SPON1: variants seen among roughly 807,000 people sequenced by gnomAD.
SPON1 encodes spondin-1.
In SPON1, 52 loss-of-function variants were observed where a neutral mutation model predicts 111.7. That is an observed-to-expected ratio of 0.47 (90% CI 0.37 to 0.59). The LOEUF is 0.59. Ranked by LOEUF, SPON1 falls within the 20% of genes least tolerant of loss-of-function variation. The pLI is 0.00. For missense variants in SPON1, 957 were observed against 1,068.5 expected (o/e 0.90, Z 1.46); for synonymous variants, 410 against 395.8 (o/e 1.04, Z -0.43).
At chr11:14,045,626 ATATAT>A (rs1848662968) in intron 3 of SPON1, among the ~76,000 whole-genome samples, 1 of 121,402 alleles carries the variant, frequency 8.2e-6, no homozygotes, top group African/African-American at 2.6e-5. Context: ...GTTTTAATAT[ATATAT>A]TATATTTAAA....
intron 5 of SPON1, among the ~76,000 whole-genome samples, chr11:14,115,923 G>A (rs1212626368): frequency 6.6e-6 from 1 of 152,094 alleles, no homozygotes; most frequent in African/African-American, 2.4e-5. Context: ...ATATGGTTTT[G>A]TTTTGTTTTG....
At chr11:14,199,441 C>T (rs1848437246) in intron 6 of SPON1, among the ~76,000 whole-genome samples, 1 of 151,682 alleles carries the variant, frequency 6.6e-6, no homozygotes, top group Non-Finnish European at 1.5e-5. Flanking sequence ...CCAAAATATC[C>T]ATCTCTCCCT....
At chr11:14,047,836 C>T (rs996532283) in intron 3 of SPON1, among the ~76,000 whole-genome samples, 3 of 152,110 alleles carry the variant, frequency 2.0e-5, no homozygotes, top group African/African-American at 7.2e-5. Context: ...TCATAGAGTC[C>T]CTCCAATGTC....
chr11:14,130,069 A>G (rs113351416), intron 5 of SPON1, among the ~76,000 whole-genome samples: 3,302 of 152,264 alleles, frequency 0.022, 122 homozygotes, highest in African/African-American at 0.075. Context: ...ATAGTCAATC[A>G]TCAAATAGTC....
At chr11:13,973,430 T>TC (rs1554908808) in intron 1 of SPON1, among the ~76,000 whole-genome samples, 1 of 152,158 alleles carries the variant, frequency 6.6e-6, no homozygotes, top group Non-Finnish European at 1.5e-5. Context: ...CATCTCTACC[T>TC]CCCCAGAGGC....
intron 1 of SPON1, 27 bp from the exon 2 acceptor site, chr11:13,982,819 TA>T (rs1365765443): frequency 8.9e-6 from 13 of 1,468,558 alleles, no homozygotes; most frequent in Non-Finnish European, 1.2e-5. Flanking sequence ...TTCTTATACT[TA>T]AAACCTGCTT....
chr11:14,003,641 C>T (rs1461518273), intron 2 of SPON1, among the ~76,000 whole-genome samples: 1 of 151,986 alleles, frequency 6.6e-6, no homozygotes, highest in East Asian at 1.9e-4. Flanking sequence ...CTGAAGGGAC[C>T]TACATAAGCA....
intron 7 of SPON1, among the ~76,000 whole-genome samples, chr11:14,251,876 T>G (rs1231211230): frequency 6.6e-6 from 1 of 152,218 alleles, no homozygotes; most frequent in African/African-American, 2.4e-5. Flanking sequence ...CTGACCTACA[T>G]GCCAGAAAAT....
At chr11:14,000,021 T>C (rs1008438509) in intron 2 of SPON1, among the ~76,000 whole-genome samples, 1 of 152,158 alleles carries the variant, frequency 6.6e-6, no homozygotes, top group Non-Finnish European at 1.5e-5. Flanking sequence ...GGAATAAAGT[T>C]CAATACCTTA....
At chr11:14,039,465 G>A (rs1236968771) in intron 2 of SPON1, among the ~76,000 whole-genome samples, 1 of 151,944 alleles carries the variant, frequency 6.6e-6, no homozygotes, top group African/African-American at 2.4e-5. Context: ...GGGAATATGT[G>A]GGATAACCCT....
At chr11:14,042,762 G>A (rs919964368) in intron 3 of SPON1, among the ~76,000 whole-genome samples, 13 of 152,252 alleles carry the variant, frequency 8.5e-5, no homozygotes, top group African/African-American at 2.4e-4. Context: ...AGGAGATCCC[G>A]ATAAGAAAGC....
intron 1 of SPON1, among the ~76,000 whole-genome samples, chr11:13,972,709 T>C (rs1266063135): frequency 6.6e-6 from 1 of 152,214 alleles, no homozygotes; most frequent in Non-Finnish European, 1.5e-5. Flanking sequence ...CACCTCAGTT[T>C]AGTTCTGAAT....
At chr11:14,108,240 T>C (rs1449675197) in intron 5 of SPON1, among the ~76,000 whole-genome samples, 2 of 152,192 alleles carry the variant, frequency 1.3e-5, no homozygotes, top group Admixed American at 6.5e-5. Context: ...AATGAGACGA[T>C]GTATAAATGG....
intron 6 of SPON1, among the ~76,000 whole-genome samples, chr11:14,242,895 C>T (rs1485775473): frequency 2.6e-5 from 4 of 152,230 alleles, no homozygotes; most frequent in African/African-American, 9.6e-5. Flanking sequence ...GTTGAGGGGA[C>T]AGTCCTCAGG....
At position 14,135,328 on chromosome 11, in the gene SPON1, C is replaced by T. The variant is rs1396281350; in HGVS notation, c.677-92C>T. The T allele has an allele frequency of 6.4e-6, 9 of 1,403,086 alleles. No homozygotes were observed. The highest frequency in any genetic ancestry group is 4.6e-5 in the East Asian group (2 of 43,426). 86.9% of individuals were successfully genotyped at this position (1,403,086 alleles called of 1,614,324 possible). A position where few individuals can be genotyped will look rare whatever the true frequency, so the allele number is the denominator to read the frequency against. ...GGTGCTTAGTCAGTGCTCTTTGAAT[C>T]GATGTCCAATTACGCATCCTCCCCA... On this transcript the variant is annotated intron_variant, in intron 5 of 15. Transcript: ENST00000576479. This position sits in a 1 kb window ranked among gnomAD's most constrained non-coding sequence, Gnocchi z 4.4.
chr11:14,170,167 A>T (rs574694999), intron 6 of SPON1, among the ~76,000 whole-genome samples: 17 of 152,024 alleles, frequency 1.1e-4, no homozygotes, highest in African/African-American at 2.7e-4. Context: ...CTCTTTTATT[A>T]CATTGAGCAG....
chr11:14,128,166 C>T (rs1011523367), intron 5 of SPON1, among the ~76,000 whole-genome samples: 1 of 152,164 alleles, frequency 6.6e-6, no homozygotes, highest in African/African-American at 2.4e-5. Context: ...CCAACAGTCC[C>T]CCAAAGTCTC....
At chr11:14,026,983 C>T (rs1472514965) in intron 2 of SPON1, among the ~76,000 whole-genome samples, 2 of 152,200 alleles carry the variant, frequency 1.3e-5, no homozygotes, top group African/African-American at 4.8e-5. Flanking sequence ...AGAACTCCCA[C>T]TCTGCAGTCT....
chr11:14,150,936 T>A (rs1213867676), intron 6 of SPON1, among the ~76,000 whole-genome samples: 1 of 152,148 alleles, frequency 6.6e-6, no homozygotes, highest in Admixed American at 6.6e-5. Context: ...CTGGACCCCA[T>A]CAGGACCAGG....
Sources: gnomAD v4.1 joint callset for allele counts (sites outside exome capture counted in the v4.1 genomes callset) on GRCh38, gnomAD v4.1.1 for gene constraint, Gnocchi (gnomAD v3.1) non-coding constraint, MANE v1.5 for transcripts, NCBI Gene and HGNC (gene_info 2026-07-23, HGNC 2026-07-21) for gene names.